Variants in USP20 observed in about 807,000 individuals in gnomAD.
USP20 encodes the protein ubiquitin carboxyl-terminal hydrolase 20.
Under a neutral mutation model 124.2 loss-of-function variants are expected in USP20, and 80 were observed. The observed-to-expected ratio is 0.64, with a 90% CI of 0.54 to 0.78. The LOEUF (loss-of-function observed/expected upper bound fraction) is 0.78, where lower values mean the gene tolerates loss of function less well. Among genes scored for constraint, USP20 ranks in the 30% least tolerant of loss-of-function variants. USP20 has a pLI of 0.00. For synonymous variants in USP20, 481 were observed against 512.3 expected, an observed-to-expected ratio of 0.94 and a Z score of 0.83; for missense variants, 1,043 against 1,244.4, an observed-to-expected ratio of 0.84 and a Z score of 2.44.
Position 129,852,643 on chromosome 9 carries a change from G to C in USP20, c.81+7G>C, listed in dbSNP as rs540080337. 9.5e-6 allele frequency: 15 copies of C among 1,582,668 alleles called. No individual in the cohort carries two copies. The highest frequency in any genetic ancestry group is 6.7e-5 in the African/African-American group (5 of 74,546). ...CTTGCTGCTCAAATCTAAGGTAAAG[G>C]GTCAGACCTTACGGGGCCAGGGCCC... is the stretch of plus-strand genomic sequence containing the variant. On this transcript the variant is annotated splice_region_variant and intron_variant, in intron 3 of 25. Coordinates refer to ENST00000372429, the MANE Select transcript of USP20 (RefSeq NM_001110303.4).
chr9:129,877,201 G>A (rs1192181092), intron 22 of USP20, among the ~76,000 whole-genome samples: 2 of 152,176 alleles, frequency 1.3e-5, no homozygotes, highest in Non-Finnish European at 1.5e-5. Flanking sequence ...ACTGAGGGAC[G>A]CCCGTGCTTT....
rs968122623 is a variant in USP20 at position 129,875,264 on chromosome 9, G to A, written c.2049-46G>A. ...ATGGGGGCTCTGCATGTGTCTGAAG[G>A]TGGCAGCCGTCAGGCACAGCTTCTC... is the stretch of plus-strand genomic sequence containing the variant. On this transcript the variant is annotated intron_variant, in intron 19 of 25. Coordinates refer to ENST00000372429, the MANE Select transcript of USP20 (RefSeq NM_001110303.4). The A allele has an allele frequency of 3.2e-6, 5 of 1,547,056 alleles. No individual in the cohort carries two copies. In the South Asian group the frequency reaches 4.9e-5, roughly 15 times the overall value.
chr9:129,871,177 C>G (rs751084013), intron 15 of USP20, among the ~76,000 whole-genome samples: 6 of 152,104 alleles, frequency 3.9e-5, no homozygotes, highest in Non-Finnish European at 7.3e-5. Context: ...AAACAGCTCC[C>G]TACTCCCACC....
At chr9:129,858,246 A>G in intron 5 of USP20, 134 bp downstream of exon 5, 5 of 1,165,668 alleles carry the variant, frequency 4.3e-6, no homozygotes, top group Non-Finnish European at 6.2e-6. Context: ...TTCTGCAAAG[A>G]AGCAAGAGAG....
rs550486557 is a variant in USP20, at chr9:129,861,821, G to T, written c.497+209G>T. Among the ~76,000 whole-genome samples, 200 of 152,312 alleles carry T rather than the reference G, an allele frequency of 1.3e-3. 2 individuals are homozygous for T. The highest frequency in any genetic ancestry group is 3.4e-3 in the Middle Eastern group (1 of 294). ...ACCGGAGATGCTGGGGAAGTTGTAC[G>T]TGCAAGGAGGCTCAGTGCTCTGTTG... On this transcript the variant is annotated intron_variant, in intron 8 of 25. Coordinates refer to ENST00000372429, the MANE Select transcript of USP20 (RefSeq NM_001110303.4).
intron 17 of USP20, among the ~76,000 whole-genome samples, chr9:129,874,193 A>AC (rs1199711150): frequency 6.6e-6 from 1 of 152,036 alleles, no homozygotes; most frequent in East Asian, 1.9e-4. Flanking sequence ...AGGAACAGAC[A>AC]AAACCCCAGT....
At chr9:129,870,258 A>G (rs2034051388) in intron 14 of USP20, 195 bp from the exon 15 acceptor site, 1 of 601,930 alleles carries the variant, frequency 1.7e-6, no homozygotes. Flanking sequence ...GCTTGCGGAG[A>G]GATGATGTCA....
chr9:129,855,701 C>G (rs1338102560), intron 3 of USP20, among the ~76,000 whole-genome samples: 2 of 152,192 alleles, frequency 1.3e-5, no homozygotes, highest in Non-Finnish European at 2.9e-5. Flanking sequence ...AAAACGTCAT[C>G]TGCAGCAGGC....
At chr9:129,858,373 T>A in intron 5 of USP20, 94 bp from the exon 6 acceptor site, 2 of 1,573,870 alleles carry the variant, frequency 1.3e-6, no homozygotes, top group Non-Finnish European at 1.7e-6. Context: ...ACAGGGCCTC[T>A]TACTGAGAGG....
chr9:129,879,653 C>T lies in USP20; in HGVS notation c.2584+9C>T, dbSNP rs772909465. The T allele has an allele frequency of 1.9e-6, 3 of 1,613,848 alleles. No individual in the cohort carries two copies. In the East Asian group the frequency reaches 6.7e-5, roughly 36 times the overall value. ...TGTCCAGCTGAAGCAGGGTGAGTTC[C>T]CCCTGGGGTCAGCCAGGCTCCTCTC... On this transcript the variant is annotated intron_variant, in intron 24 of 25. Transcript: ENST00000372429. The surrounding 1 kb of genome is among the most constrained non-coding windows in gnomAD (Gnocchi z 4.2).
chr9:129,845,513 A>G (rs1041312653), intron 1 of USP20, among the ~76,000 whole-genome samples: 1 of 152,126 alleles, frequency 6.6e-6, no homozygotes, highest in African/African-American at 2.4e-5. Flanking sequence ...CTGAGAGGAA[A>G]AGCATTTTTT....
rs2032058172 is a variant in USP20 at position 129,839,337 on chromosome 9, C to G, written c.-129+3838C>G. Among the ~76,000 whole-genome samples the G allele has an allele frequency of 6.6e-6, 1 of 152,070 alleles. No individual in the cohort carries two copies. The highest frequency in any genetic ancestry group is 2.1e-4 in the South Asian group (1 of 4,818). On this transcript the variant is annotated intron_variant, in intron 1 of 25. Coordinates refer to ENST00000372429, the MANE Select transcript of USP20 (RefSeq NM_001110303.4). This position sits in a 1 kb window ranked among gnomAD's most constrained non-coding sequence, Gnocchi z 4.5. ...CAGACTAAGATGTTAGTGTCAGTTC[C>G]AATATTCAGGGCCGTGGGGCAGGGG...
chr9:129,838,065 G>A (rs1481974389), intron 1 of USP20, among the ~76,000 whole-genome samples: 1 of 147,764 alleles, frequency 6.8e-6, no homozygotes, highest in Non-Finnish European at 1.5e-5. Flanking sequence ...TTTTTGAGAC[G>A]GAGTCTCACT....
chr9:129,877,085 G>A (rs1157284029), intron 22 of USP20, among the ~76,000 whole-genome samples: 1 of 152,200 alleles, frequency 6.6e-6, no homozygotes, highest in Non-Finnish European at 1.5e-5. Flanking sequence ...GGACTTCTGT[G>A]AGGGAGCTGA....
rs2032587781 is a variant in USP20, at chr9:129,846,609, G to A, written c.-128-3204G>A. 2.0e-5 allele frequency among the ~76,000 whole-genome samples: 3 copies of A among 149,918 alleles called. No individual in the cohort carries two copies. The South Asian group carries it at 6.3e-4, about 32-fold the overall frequency. ...TGGGGCCATTCAGCAAATATTTTCT[G>A]AGAAGTTACTGTCTTTTTTTTTTTT... On this transcript the variant is annotated intron_variant, in intron 1 of 25. Transcript: ENST00000372429.
At chr9:129,871,886 T>C in intron 15 of USP20, among the ~76,000 whole-genome samples, 1 of 151,626 alleles carries the variant, frequency 6.6e-6, no homozygotes, top group African/African-American at 2.4e-5. Flanking sequence ...CTGGCTAATT[T>C]TTGTATTTTT....
At chr9:129,848,650 C>CAA (rs3054848) in intron 1 of USP20, among the ~76,000 whole-genome samples, 21 of 132,008 alleles carry the variant, frequency 1.6e-4, no homozygotes, top group African/African-American at 2.5e-4. Context: ...GAGACTATCT[C>CAA]AAAAAAAAAA....
chr9:129,843,925 G>C (rs552214124), intron 1 of USP20, among the ~76,000 whole-genome samples: 2 of 152,122 alleles, frequency 1.3e-5, no homozygotes, highest in Admixed American at 6.5e-5. Context: ...AAAGTAGCCA[G>C]GCTTGGTAGT....
intron 2 of USP20, among the ~76,000 whole-genome samples, chr9:129,851,610 G>T (rs1233744248): frequency 2.0e-5 from 3 of 152,104 alleles, no homozygotes; most frequent in Non-Finnish European, 4.4e-5. Context: ...CTTCACCAAG[G>T]TGCTCCCTTG....
Sources: allele counts gnomAD v4.1 joint callset (sites outside exome capture counted in the v4.1 genomes callset), GRCh38; gene constraint gnomAD v4.1.1; non-coding constraint Gnocchi (gnomAD v3.1); transcripts MANE v1.5; gene names NCBI Gene and HGNC (gene_info 2026-07-23, HGNC 2026-07-21).